Variants in PDE5A observed in about 807,000 individuals in gnomAD.
The protein encoded by PDE5A is phosphodiesterase 5A, also known as cGMP-specific 3',5'-cyclic phosphodiesterase.
Under a neutral mutation model 110.2 loss-of-function variants are expected in PDE5A, and 67 were observed. The observed-to-expected ratio is 0.61, with a 90% CI of 0.50 to 0.75. The LOEUF is 0.75. Among genes scored for constraint, PDE5A ranks in the 30% least tolerant of loss-of-function variants. PDE5A has a pLI of 0.00. For synonymous variants in PDE5A, 328 were observed against 351.2 expected (o/e 0.93, Z 0.74); for missense variants, 862 against 1,045.1 (o/e 0.82, Z 2.42).
At chr4:119,553,477 T>A (rs1323835131) in intron 8 of PDE5A, among the ~76,000 whole-genome samples, 161 bp downstream of exon 8, 3 of 152,100 alleles carry the variant, frequency 2.0e-5, no homozygotes, top group South Asian at 2.1e-4. Flanking sequence ...TCTCAATAGA[T>A]GTTATGATCT....
intron 1 of PDE5A, among the ~76,000 whole-genome samples, chr4:119,613,247 T>C (rs1433246610): frequency 2.6e-5 from 4 of 152,204 alleles, no homozygotes. Flanking sequence ...AATCTCAATT[T>C]TATTATTAAT....
At chr4:119,517,474 AT>A (rs1725952162) in intron 14 of PDE5A, among the ~76,000 whole-genome samples, 1 of 151,468 alleles carries the variant, frequency 6.6e-6, no homozygotes. Context: ...GTAGGAAGAA[AT>A]AAAAATCTTT....
intron 1 of PDE5A, among the ~76,000 whole-genome samples, chr4:119,625,729 TTA>T (rs1730322626): frequency 6.7e-6 from 1 of 150,098 alleles, no homozygotes; most frequent in African/African-American, 2.4e-5. Context: ...GCTCCTACTT[TTA>T]AAAAAAAAAA....
chr4:119,608,286 G>A (rs1391531355), intron 1 of PDE5A, among the ~76,000 whole-genome samples: 1 of 152,092 alleles, frequency 6.6e-6, no homozygotes, highest in East Asian at 1.9e-4. Flanking sequence ...TGTTTTTAAT[G>A]TACCCTACTA....
At chr4:119,560,999 T>A (rs776004662) in intron 6 of PDE5A, among the ~76,000 whole-genome samples, 1 of 152,302 alleles carries the variant, frequency 6.6e-6, no homozygotes, top group African/African-American at 2.4e-5. Context: ...CATGCCTCTG[T>A]CATCCCAACT....
In PDE5A at chr4:119,533,355, C is replaced by G. The variant is rs1726611434; in HGVS notation, c.1632+5605G>C. Among the ~76,000 whole-genome samples, 3 of 152,144 alleles carry G rather than the reference C, an allele frequency of 2.0e-5. No homozygotes were observed. In the South Asian group the frequency reaches 6.2e-4, roughly 32 times the overall value. ...AGGTCTTTGAATAAAGCCACCTTGACAGCTGCCACATTACACCTTATGGAA... is the reference window on the plus strand; with the variant it reads ...AGGTCTTTGAATAAAGCCACCTTGAGAGCTGCCACATTACACCTTATGGAA... On this transcript the variant is annotated intron_variant, in intron 11 of 20. Transcript: ENST00000354960.
intron 1 of PDE5A, among the ~76,000 whole-genome samples, chr4:119,614,899 T>G (rs1729882830): frequency 6.6e-6 from 1 of 152,136 alleles, no homozygotes; most frequent in South Asian, 2.1e-4. Flanking sequence ...ATTTTATCCC[T>G]GATAAAACAA....
At chr4:119,569,011 AGAT>A (rs1202650054) in intron 3 of PDE5A, among the ~76,000 whole-genome samples, 1 of 151,862 alleles carries the variant, frequency 6.6e-6, no homozygotes, top group Non-Finnish European at 1.5e-5. Context: ...ATTTACAGTG[AGAT>A]GATGATTCCT....
intron 1 of PDE5A, among the ~76,000 whole-genome samples, chr4:119,611,121 C>G (rs1230578506): frequency 1.3e-5 from 2 of 152,212 alleles, no homozygotes; most frequent in Non-Finnish European, 2.9e-5. Context: ...CATGGCTGAT[C>G]CACTTCCACA....
intron 7 of PDE5A, among the ~76,000 whole-genome samples, chr4:119,557,689 CCTA>C (rs1378980855): frequency 6.6e-6 from 1 of 152,086 alleles, no homozygotes; most frequent in East Asian, 1.9e-4. Context: ...TTAGTACAAT[CCTA>C]CTACCACTAC....
chr4:119,545,183 A>T (rs1727090316), intron 9 of PDE5A, among the ~76,000 whole-genome samples: 1 of 152,194 alleles, frequency 6.6e-6, no homozygotes, highest in South Asian at 2.1e-4. Context: ...AATTCTATCA[A>T]GCAAAAATAC....
At chr4:119,509,661 C>G (rs372541256) in intron 15 of PDE5A, among the ~76,000 whole-genome samples, 2 of 151,960 alleles carry the variant, frequency 1.3e-5, no homozygotes, top group East Asian at 3.9e-4. Flanking sequence ...CTTCTACCTC[C>G]CAATCACACA....
chr4:119,607,194 T>G lies in PDE5A; in HGVS notation c.256A>C (p.Ser86Arg). ...GGGGCACTGTTATCTGCACGAGGAC[T>G]CTGCTGCAAGGGACAAGAGCAAGAT... The part of the protein sequence containing the change: ...TESCSCPLQQ[S>R]PRADNSAPGT... Residue 86 changes from serine (S) to arginine (R), a missense_variant, in exon 2 of 21, where the codon AGT (serine) becomes CGT (arginine). By Grantham distance (110) the Ser-to-Arg change is moderately radical (BLOSUM62 -1). Coordinates refer to ENST00000354960, the MANE Select transcript of PDE5A (RefSeq NM_001083.4). The G allele has an allele frequency of 6.2e-7, 1 of 1,614,122 alleles. No homozygotes were observed. Among genetic ancestry groups the G allele is most frequent in the South Asian group, 1.1e-5 (1 of 91,088 alleles).
chr4:119,605,613 C>CGAGA, intron 2 of PDE5A, among the ~76,000 whole-genome samples: 1 of 151,962 alleles, frequency 6.6e-6, no homozygotes, highest in Non-Finnish European at 1.5e-5. Context: ...CGTTACTGCA[C>CGAGA]TCCAGCCTGG....
At position 119,627,737 on chromosome 4, in the gene PDE5A, C is replaced by G. The variant is rs953852244; in HGVS notation, c.152+783G>C. 2.6e-5 allele frequency: 4 copies of G among 153,568 alleles called. No homozygotes were observed. Among genetic ancestry groups the G allele is most frequent in the African/African-American group, 4.8e-5 (2 of 41,474 alleles). 9.5% of individuals were successfully genotyped at this position (153,568 alleles called of 1,614,324 possible). On this transcript the variant is annotated intron_variant, in intron 1 of 20. Transcript: ENST00000354960. The surrounding 1 kb of genome is among the most constrained non-coding windows in gnomAD (Gnocchi z 4.6). ...CGCTGCGCAGCCGCCTCCAAAAGGACAGGCTCCCTCCTCCCCGCCCTCCGC... is the reference window on the plus strand; with the variant it reads ...CGCTGCGCAGCCGCCTCCAAAAGGAGAGGCTCCCTCCTCCCCGCCCTCCGC...
chr4:119,530,069 C>G (rs1296147039), intron 11 of PDE5A, among the ~76,000 whole-genome samples: 1 of 152,032 alleles, frequency 6.6e-6, no homozygotes, highest in Non-Finnish European at 1.5e-5. Context: ...AGAACCACTG[C>G]ATTAGGGATA....
intron 3 of PDE5A, among the ~76,000 whole-genome samples, chr4:119,595,520 C>CAATCCACTAAGGGCA (rs930446346): frequency 1.3e-5 from 2 of 152,134 alleles, no homozygotes; most frequent in Non-Finnish European, 2.9e-5. Context: ...GGGCATCATC[C>CAATCCACTAAGGGCA]AATCCACTAA....
At chr4:119,524,416 C>G (rs939254307) in intron 12 of PDE5A, among the ~76,000 whole-genome samples, 3 of 151,970 alleles carry the variant, frequency 2.0e-5, no homozygotes, top group Admixed American at 2.0e-4. Flanking sequence ...TCAACGCACT[C>G]TAACAAGAGT....
chr4:119,529,509 G>A (rs1392574126), intron 11 of PDE5A, among the ~76,000 whole-genome samples: 1 of 152,156 alleles, frequency 6.6e-6, no homozygotes. Context: ...TCAAACTAAT[G>A]TAGTGACACA....
Sources: allele counts gnomAD v4.1 joint callset (sites outside exome capture counted in the v4.1 genomes callset), GRCh38; gene constraint gnomAD v4.1.1; non-coding constraint Gnocchi (gnomAD v3.1); transcripts MANE v1.5; gene names NCBI Gene and HGNC (gene_info 2026-07-23, HGNC 2026-07-21).